RPA3: variants seen among roughly 807,000 people sequenced by gnomAD.
RPA3 encodes replication protein A 14 kDa subunit.
RPA3 carries 24 observed loss-of-function variants against 13.7 expected under a neutral mutation model. That is an observed-to-expected ratio of 1.75 (90% CI 1.27 to 2.46). The LOEUF is 2.46. RPA3 is among the 30% of genes most tolerant of loss of function. The probability of loss-of-function intolerance (pLI) is 0.00; values close to 1 mark genes in which losing one functional copy is unlikely to be tolerated. For synonymous variants in RPA3, 59 were observed against 51.2 expected, an observed-to-expected ratio of 1.15 and a Z score of -0.65; for missense variants, 183 against 151.0, an observed-to-expected ratio of 1.21 and a Z score of -1.11.
chr7:7,640,527 C>A lies in RPA3; in HGVS notation c.-109G>T. 1.0e-6 allele frequency: 1 copy of A among 986,408 alleles called. No individual in the cohort carries two copies. The highest frequency in any genetic ancestry group is 1.6e-6 in the Non-Finnish European group (1 of 637,740). The allele number at this position is 986,408 out of a possible 1,614,324, so 61.1% of individuals were successfully genotyped here. ...CTCGGCACCAATCAGCGAAGACTAG[C>A]GCTCCAGCTTCGCCAATTAAATGCG... On this transcript the variant is annotated 5_prime_UTR_variant, in exon 5 of 8. Transcript: ENST00000223129.
chr7:7,669,048 A>G (rs1239832623), intron 4 of RPA3, among the ~76,000 whole-genome samples: 1 of 151,836 alleles, frequency 6.6e-6, no homozygotes. Flanking sequence ...GGCCAACTCT[A>G]CACATATATA....
At chr7:7,647,629 A>G (rs1412073189) in intron 4 of RPA3, among the ~76,000 whole-genome samples, 1 of 152,188 alleles carries the variant, frequency 6.6e-6, no homozygotes, top group Non-Finnish European at 1.5e-5. Flanking sequence ...TCTTTAAGAG[A>G]CAGGGTCTTC....
chr7:7,685,475 AGTTTT>A (rs1356493123), intron 4 of RPA3, among the ~76,000 whole-genome samples: 1 of 152,066 alleles, frequency 6.6e-6, no homozygotes, highest in East Asian at 1.9e-4. Flanking sequence ...ACGCCCACCA[AGTTTT>A]GTATTTTTAG....
chr7:7,640,065 G>A, intron 5 of RPA3: 1 of 505,712 alleles, frequency 2.0e-6, no homozygotes, highest in South Asian at 2.4e-5. Flanking sequence ...CCTTACGTAA[G>A]CACGGCTAGA....
intron 2 of RPA3, among the ~76,000 whole-genome samples, chr7:7,713,939 A>G (rs1340831731): frequency 2.0e-5 from 3 of 152,004 alleles, no homozygotes; most frequent in African/African-American, 7.3e-5. Flanking sequence ...GTCTCAAGTG[A>G]TCTTCCTGCC....
intron 4 of RPA3, among the ~76,000 whole-genome samples, chr7:7,642,487 G>C (rs889303553): frequency 2.0e-5 from 3 of 150,796 alleles, no homozygotes; most frequent in African/African-American, 4.9e-5. Context: ...TTTTTTTAAA[G>C]AGCACTCCTG....
intron 4 of RPA3, among the ~76,000 whole-genome samples, chr7:7,670,357 A>G (rs556769670): frequency 4.7e-4 from 72 of 152,208 alleles, no homozygotes; most frequent in Admixed American, 1.7e-3. Context: ...GTCTCTCTAT[A>G]TATACAAAAG....
chr7:7,686,166 AG>A (rs1172880947), intron 3 of RPA3, among the ~76,000 whole-genome samples, 168 bp from the exon 4 acceptor site: 1 of 152,228 alleles, frequency 6.6e-6, no homozygotes, highest in African/African-American at 2.4e-5. Flanking sequence ...GGTATGGTAG[AG>A]GAGCAAAACT....
At chr7:7,660,272 T>A (rs1338592104) in intron 4 of RPA3, among the ~76,000 whole-genome samples, 1 of 152,258 alleles carries the variant, frequency 6.6e-6, no homozygotes, top group East Asian at 1.9e-4. Flanking sequence ...AGTCTGTGTC[T>A]TTTAATTGGG....
intron 1 of RPA3, among the ~76,000 whole-genome samples, chr7:7,717,157 A>G (rs1277776013): frequency 6.6e-6 from 1 of 151,030 alleles, no homozygotes; most frequent in East Asian, 1.9e-4. Flanking sequence ...CCCGGGTTCA[A>G]GCGATTCTCT....
chr7:7,661,229 A>C (rs1785467074), intron 4 of RPA3, among the ~76,000 whole-genome samples: 1 of 151,818 alleles, frequency 6.6e-6, no homozygotes, highest in African/African-American at 2.4e-5. Flanking sequence ...CTTTTTTTCC[A>C]AGGTTCTTAG....
At chr7:7,646,698 G>C (rs1785103290) in intron 4 of RPA3, among the ~76,000 whole-genome samples, 2 of 151,886 alleles carry the variant, frequency 1.3e-5, no homozygotes, top group South Asian at 4.2e-4. Flanking sequence ...GGATGGAGTG[G>C]GAAGATGATC....
In RPA3 at chr7:7,640,665, G is replaced by C; in HGVS notation, c.-247C>G. 1 of 515,088 alleles carries C rather than the reference G, an allele frequency of 1.9e-6. No homozygotes were observed. Among genetic ancestry groups the C allele is most frequent in the Non-Finnish European group, 3.5e-6 (1 of 287,648 alleles). The allele number at this position is 515,088 out of a possible 1,614,324, so 31.9% of individuals were successfully genotyped here. On this transcript the variant is annotated 5_prime_UTR_variant, in exon 5 of 8. In the 5' UTR this introduces an upstream ATG that the reference lacks. Transcript: ENST00000223129. ...ACGCGCGGCGTCCCGGAAGTTGACA[G>C]ATACAGGGCGAGAGGCAGTGGAGGC...
intron 2 of RPA3, among the ~76,000 whole-genome samples, chr7:7,704,819 G>A (rs1780558872): frequency 1.4e-5 from 2 of 139,706 alleles, no homozygotes; most frequent in Non-Finnish European, 3.1e-5. Context: ...TTAAATGCCA[G>A]TTTAACTTAT....
At chr7:7,661,810 T>C (rs1267481974) in intron 4 of RPA3, among the ~76,000 whole-genome samples, 3 of 152,206 alleles carry the variant, frequency 2.0e-5, no homozygotes, top group East Asian at 3.8e-4. Flanking sequence ...GGAGGCAGTC[T>C]GACCCTTAGC....
At chr7:7,700,970 A>C (rs778964095) in intron 2 of RPA3, among the ~76,000 whole-genome samples, 6 of 152,188 alleles carry the variant, frequency 3.9e-5, no homozygotes, top group Non-Finnish European at 5.9e-5. Context: ...GAATTGCTTG[A>C]GCCCAGGAGT....
intron 2 of RPA3, among the ~76,000 whole-genome samples, chr7:7,709,648 A>G (rs1563143134): frequency 2.0e-5 from 3 of 152,236 alleles, no homozygotes; most frequent in African/African-American, 4.8e-5. Context: ...TCTGTTTGGT[A>G]TGTTCCTGTA....
At chr7:7,708,090 T>C (rs991787419) in intron 2 of RPA3, among the ~76,000 whole-genome samples, 3 of 152,210 alleles carry the variant, frequency 2.0e-5, no homozygotes, top group Non-Finnish European at 2.9e-5. Flanking sequence ...ATTCTTCTCT[T>C]AGCCTCCTTC....
At chr7:7,695,299 A>C (rs1274235141) in intron 2 of RPA3, among the ~76,000 whole-genome samples, 1 of 152,180 alleles carries the variant, frequency 6.6e-6, no homozygotes, top group Non-Finnish European at 1.5e-5. Flanking sequence ...AGTTTATCTC[A>C]TAGAGAATTC....
Sources: gnomAD v4.1 joint callset for allele counts (sites outside exome capture counted in the v4.1 genomes callset) on GRCh38, gnomAD v4.1.1 for gene constraint, MANE v1.5 for transcripts, NCBI Gene and HGNC (gene_info 2026-07-23, HGNC 2026-07-21) for gene names.